The following MIA2 variants were observed in gnomAD, a reference collection of about 807,000 sequenced individuals.
MIA2 encodes MIA SH3 domain ER export factor 2, also known as melanoma inhibitory activity protein 2.
MIA2 carries 127 observed loss-of-function variants against 167.8 expected under a neutral mutation model. The observed-to-expected ratio is 0.76, with a 90% CI of 0.66 to 0.88. The LOEUF (loss-of-function observed/expected upper bound fraction) is 0.88, where lower values mean the gene tolerates loss of function less well. MIA2 is among the 40% of genes least tolerant of loss of function. The probability of loss-of-function intolerance (pLI) is 0.00; values close to 1 mark genes in which losing one functional copy is unlikely to be tolerated. For missense variants in MIA2, 1,690 were observed against 1,624.7 expected, an observed-to-expected ratio of 1.04 and a Z score of -0.69; for synonymous variants, 552 against 541.9, an observed-to-expected ratio of 1.02 and a Z score of -0.26.
intron 6 of MIA2, chr14:39,269,099 T>TTTTTTTTTTTTTG: frequency 1.2e-6 from 1 of 828,342 alleles, no homozygotes; most frequent in Non-Finnish European, 1.4e-6. Flanking sequence ...TTTTTTTTTT[T>TTTTTTTTTTTTTG]GCTAAATGCG....
chr14:39,319,579 G>C (rs1242342066), intron 23 of MIA2, among the ~76,000 whole-genome samples: 1 of 151,944 alleles, frequency 6.6e-6, no homozygotes, highest in Non-Finnish European at 1.5e-5. Flanking sequence ...TTGGCACATA[G>C]TAAGGTACTC....
At chr14:39,314,654 TCTAATAAATA>T in intron 19 of MIA2, 75 bp from the exon 20 acceptor site, 3 of 813,548 alleles carry the variant, frequency 3.7e-6, no homozygotes, top group South Asian at 2.9e-5. Flanking sequence ...TTCTGGGTTT[TCTAATAAATA>T]TTTTTTTAGT....
rs552738085 is a variant in MIA2 at position 39,308,242 on chromosome 14, C to G, written c.2879-207C>G. On this transcript the variant is annotated intron_variant, in intron 17 of 28. Transcript: ENST00000640607. ...CCTATATTGAAATATCACACTGTAC[C>G]ACATAAATATGTACAATTTTTATGT... Among the ~76,000 whole-genome samples, 3 of 152,118 alleles carry G rather than the reference C, an allele frequency of 2.0e-5. No homozygotes were observed. In the East Asian group the frequency reaches 5.8e-4, roughly 29 times the overall value.
At chr14:39,299,762 G>C in intron 13 of MIA2, 102 bp from the exon 14 acceptor site, 2 of 1,230,536 alleles carry the variant, frequency 1.6e-6, no homozygotes, top group East Asian at 5.1e-5. Flanking sequence ...TTGAAAATAG[G>C]AGCCATGTTT....
intron 1 of MIA2, 149 bp from the exon 2 acceptor site, chr14:39,236,773 G>T (rs1203138716): frequency 2.8e-6 from 2 of 703,276 alleles, no homozygotes; most frequent in Admixed American, 3.1e-5. Flanking sequence ...CATGCAGTGG[G>T]AAGGCTATGT....
intron 22 of MIA2, among the ~76,000 whole-genome samples, chr14:39,318,617 C>T (rs1274020982): frequency 2.0e-5 from 3 of 152,130 alleles, no homozygotes; most frequent in Admixed American, 6.6e-5. Context: ...AAATTAAAAT[C>T]AAATTATTAA....
At chr14:39,313,509 A>G (rs996167118) in intron 19 of MIA2, 68 bp downstream of exon 19, 3 of 816,362 alleles carry the variant, frequency 3.7e-6, no homozygotes, top group Non-Finnish European at 5.9e-6. Flanking sequence ...TAATGCCAGA[A>G]AAATAATAAA....
chr14:39,326,202 C>T (rs891741097), intron 24 of MIA2, among the ~76,000 whole-genome samples: 4 of 152,142 alleles, frequency 2.6e-5, no homozygotes, highest in Non-Finnish European at 5.9e-5. Context: ...GTCTTCAGAA[C>T]TTATGAATTC....
At chr14:39,324,093 T>G (rs540564461) in intron 24 of MIA2, among the ~76,000 whole-genome samples, 2 of 152,350 alleles carry the variant, frequency 1.3e-5, no homozygotes, top group Admixed American at 1.3e-4. Context: ...AACAATTTCT[T>G]CTTAGAGTAA....
At chr14:39,268,859 G>C (rs536119121) in intron 6 of MIA2, among the ~76,000 whole-genome samples, 1 of 152,260 alleles carries the variant, frequency 6.6e-6, no homozygotes, top group Admixed American at 6.5e-5. Flanking sequence ...GAATCTAGAA[G>C]GACTCCCAGG....
chr14:39,346,190 C>A (rs2073211027), intron 26 of MIA2, among the ~76,000 whole-genome samples, 164 bp downstream of exon 26: 2 of 152,198 alleles, frequency 1.3e-5, no homozygotes, highest in African/African-American at 4.8e-5. Flanking sequence ...ATATTGTACA[C>A]AGACATGGCA....
intron 23 of MIA2, among the ~76,000 whole-genome samples, chr14:39,376,902 G>C (rs2075056174): frequency 6.6e-6 from 1 of 152,210 alleles, no homozygotes; most frequent in South Asian, 2.1e-4. Context: ...ATAGAGTGGA[G>C]ATATTTGACC....
intron 6 of MIA2, among the ~76,000 whole-genome samples, chr14:39,268,538 T>C (rs532981207): frequency 6.6e-6 from 1 of 152,188 alleles, no homozygotes; most frequent in African/African-American, 2.4e-5. Context: ...GGAGCTGTAT[T>C]ACTTAGAGTG....
intron 23 of MIA2, 54 bp from the exon 24 acceptor site, chr14:39,320,874 G>A: frequency 1.9e-6 from 3 of 1,581,038 alleles, no homozygotes; most frequent in Non-Finnish European, 2.6e-6. Flanking sequence ...TTCTAACTCT[G>A]TAGTGTAGCT....
chr14:39,338,459 ATAAC>A (rs1595795226), intron 25 of MIA2, among the ~76,000 whole-genome samples: 1 of 152,242 alleles, frequency 6.6e-6, no homozygotes, highest in Non-Finnish European at 1.5e-5. Context: ...GCACAGTGAT[ATAAC>A]TAACACTCAG....
At chr14:39,241,483 G>A (rs1566586737) in intron 3 of MIA2, among the ~76,000 whole-genome samples, 1 of 151,962 alleles carries the variant, frequency 6.6e-6, no homozygotes, top group Non-Finnish European at 1.5e-5. Context: ...CTAATTCAAG[G>A]CACCATCATC....
chr14:39,359,267 C>G (rs530469127), intron 23 of MIA2, among the ~76,000 whole-genome samples: 1 of 152,206 alleles, frequency 6.6e-6, no homozygotes, highest in African/African-American at 2.4e-5. Flanking sequence ...ACCCCTCCCC[C>G]AGCCTTGCTG....
chr14:39,372,499 G>C (rs551965149), intron 23 of MIA2, among the ~76,000 whole-genome samples: 3 of 152,178 alleles, frequency 2.0e-5, no homozygotes, highest in Non-Finnish European at 4.4e-5. Context: ...CCAGGCAGCA[G>C]TTTTTGGAAA....
intron 4 of MIA2, 108 bp from the exon 5 acceptor site, chr14:39,252,640 A>G (rs377739547): frequency 1.2e-5 from 9 of 720,764 alleles, no homozygotes; most frequent in Non-Finnish European, 1.8e-5. Context: ...ACGAAGTATC[A>G]TAATGACCTA....
Sources: gnomAD v4.1 joint callset for allele counts (sites outside exome capture counted in the v4.1 genomes callset) on GRCh38, gnomAD v4.1.1 for gene constraint, MANE v1.5 for transcripts, NCBI Gene and HGNC (gene_info 2026-07-23, HGNC 2026-07-21) for gene names.